Variants in SREK1 observed in about 807,000 individuals in gnomAD.
SREK1 encodes splicing regulatory glutamic acid and lysine rich protein 1.
In SREK1, 13 loss-of-function variants were observed where a neutral mutation model predicts 66.5. The ratio of observed to expected loss-of-function variants is 0.20; its 90% CI spans 0.13 to 0.31. SREK1 has a LOEUF of 0.31. SREK1 is among the 10% of genes least tolerant of loss of function. The pLI is 1.00. For synonymous variants in SREK1, 265 were observed against 263.5 expected (o/e 1.01, Z -0.05); for missense variants, 607 against 769.6 (o/e 0.79, Z 2.50).
chr5:66,160,142 T>C (rs1306191939), intron 3 of SREK1, among the ~76,000 whole-genome samples: 1 of 149,912 alleles, frequency 6.7e-6, no homozygotes, highest in Admixed American at 6.7e-5. Context: ...AAAAAAAGGG[T>C]ATATTACTAT....
rs537333798 is a variant in SREK1, at chr5:66,173,289, T to C, written c.1485-1657T>C. ...TTTATACTTTTAAAGAAAATGATAT[T>C]AAATAATTTTTTAATGCTTAAATTT... On this transcript the variant is annotated intron_variant, in intron 9 of 11. Transcript: ENST00000334121. Among the ~76,000 whole-genome samples the C allele has an allele frequency of 5.3e-5, 8 of 152,336 alleles. No homozygotes were observed. In the East Asian group the frequency reaches 1.2e-3, roughly 22 times the overall value.
At position 66,153,412 on chromosome 5, in the gene SREK1, A is replaced by G. The variant is rs188018644; in HGVS notation, c.162-51A>G. 5 of 1,577,852 alleles carry G rather than the reference A, an allele frequency of 3.2e-6. No homozygotes were observed. The East Asian group carries it at 1.1e-4, about 35-fold the overall frequency. Reference sequence around the variant, plus strand: ...GAAAGAAATTTTAAGTGAAAATGATAAAACCAAGCAAATGTTTATTAGTTC... The same window carrying G: ...GAAAGAAATTTTAAGTGAAAATGATGAAACCAAGCAAATGTTTATTAGTTC... On this transcript the variant is annotated intron_variant, in intron 1 of 11. Coordinates refer to ENST00000334121, the MANE Select transcript of SREK1 (RefSeq NM_001077199.3).
intron 10 of SREK1, among the ~76,000 whole-genome samples, chr5:66,176,886 T>C (rs1476971963): frequency 3.3e-5 from 5 of 152,112 alleles, no homozygotes; most frequent in Admixed American, 1.3e-4. Context: ...TTTTCTGTGA[T>C]TTTCCAGCAG....
intron 1 of SREK1, chr5:66,145,299 C>T (rs1238242898): frequency 5.1e-6 from 2 of 392,674 alleles, no homozygotes; most frequent in African/African-American, 2.2e-5. Context: ...AAATTTCCCT[C>T]GTACGATATT....
chr5:66,169,824 T>A (rs1424029260), intron 7 of SREK1: 3 of 292,284 alleles, frequency 1.0e-5, no homozygotes. Context: ...AAAAGCCACA[T>A]CTGAAAATAT....
intron 7 of SREK1, chr5:66,165,704 C>G (rs956250687): frequency 2.6e-5 from 4 of 152,038 alleles, no homozygotes; most frequent in African/African-American, 9.7e-5. Context: ...TATAGTGGAT[C>G]CTAATTGCAT....
At chr5:66,161,957 TA>T in intron 3 of SREK1, 151 bp from the exon 4 acceptor site, 1 of 736,378 alleles carries the variant, frequency 1.4e-6, no homozygotes, top group East Asian at 2.9e-5. Flanking sequence ...CTTACTTTAA[TA>T]ACTCAGACAT....
At chr5:66,156,198 G>A (rs1580633406) in intron 2 of SREK1, 3 of 1,279,922 alleles carry the variant, frequency 2.3e-6, no homozygotes, top group South Asian at 2.8e-5. Context: ...GAAGATGGAC[G>A]CCCTGTCTCT....
chr5:66,144,350 C>G lies in SREK1; in HGVS notation c.-27C>G. On this transcript the variant is annotated 5_prime_UTR_variant, in exon 1 of 12. Coordinates refer to ENST00000334121, the MANE Select transcript of SREK1 (RefSeq NM_001077199.3). ...CTGACGCGTCGTAGACGTTGGGGAG[C>G]GGGAAGGCAACGGCAGCGGGATCGG... 2 of 1,507,442 alleles carry G rather than the reference C, an allele frequency of 1.3e-6. No individual in the cohort carries two copies. Among genetic ancestry groups the G allele is most frequent in the Non-Finnish European group, 1.8e-6 (2 of 1,114,534 alleles). The allele number at this position is 1,507,442 out of a possible 1,614,324, so 93.4% of individuals were successfully genotyped here.
intron 7 of SREK1, chr5:66,169,322 A>C (rs902546262): frequency 3.3e-5 from 5 of 152,206 alleles, no homozygotes; most frequent in Admixed American, 2.6e-4. Flanking sequence ...AAAAGGCTTC[A>C]AAACTTTTTG....
rs569645864 is a variant in SREK1 at position 66,170,231 on chromosome 5, G to A, written c.1121+61G>A. The A allele has an allele frequency of 5.9e-6, 9 of 1,530,362 alleles. No homozygotes were observed. In the African/African-American group the frequency reaches 1.3e-4, roughly 21 times the overall value. The allele number at this position is 1,530,362 out of a possible 1,614,324, so 94.8% of individuals were successfully genotyped here. A position where few individuals can be genotyped will look rare whatever the true frequency, so the allele number is the denominator to read the frequency against. ...CCTCAGAGTTCTGTTAGTGCTAAGG[G>A]ATAATATTTTAATTGGCTTCATTTG... is the stretch of plus-strand genomic sequence containing the variant. On this transcript the variant is annotated intron_variant, in intron 8 of 11. Transcript: ENST00000334121.
At chr5:66,153,679 A>T (rs1744038078) in intron 2 of SREK1, 83 bp downstream of exon 2, 1 of 1,556,880 alleles carries the variant, frequency 6.4e-7, no homozygotes, top group Non-Finnish European at 8.8e-7. Context: ...ATTGGCAAGT[A>T]GACAGTACTC....
At chr5:66,145,362 CTT>C (rs1203024904) in intron 1 of SREK1, among the ~76,000 whole-genome samples, 1 of 151,794 alleles carries the variant, frequency 6.6e-6, no homozygotes, top group Admixed American at 6.6e-5. Flanking sequence ...TGCACACAAA[CTT>C]TTTTTCTTTT....
At chr5:66,176,654 C>A (rs1372702001) in intron 10 of SREK1, among the ~76,000 whole-genome samples, 1 of 151,978 alleles carries the variant, frequency 6.6e-6, no homozygotes, top group Non-Finnish European at 1.5e-5. Context: ...CTTATTAGGC[C>A]ATCATTAGTG....
At chr5:66,159,172 T>G (rs761866443) in intron 2 of SREK1, 47 bp from the exon 3 acceptor site, 2 of 1,576,250 alleles carry the variant, frequency 1.3e-6, no homozygotes, top group Admixed American at 2.0e-5. Context: ...GTGTAAAGTT[T>G]GTGTGGTGTT....
intron 3 of SREK1, among the ~76,000 whole-genome samples, chr5:66,161,668 A>G (rs1030071979): frequency 2.3e-4 from 35 of 152,230 alleles, no homozygotes; most frequent in Non-Finnish European, 2.6e-4. Context: ...AATCGACAAT[A>G]TATAACAGCT....
chr5:66,177,035 G>T (rs942656549), intron 10 of SREK1, among the ~76,000 whole-genome samples: 1 of 151,986 alleles, frequency 6.6e-6, no homozygotes, highest in African/African-American at 2.4e-5. Flanking sequence ...TTTCTCTTAT[G>T]AACTGAAATT....
At chr5:66,146,997 C>T (rs1743293157) in intron 1 of SREK1, among the ~76,000 whole-genome samples, 1 of 151,958 alleles carries the variant, frequency 6.6e-6, no homozygotes, top group African/African-American at 2.4e-5. Context: ...GGTGGGAGAA[C>T]AGCTTGAGCC....
Position 66,180,326 on chromosome 5 carries a change from G to A in SREK1, c.*1458G>A, listed in dbSNP as rs1416331597. 1.3e-5 allele frequency: 2 copies of A among 152,474 alleles called. No individual in the cohort carries two copies. Among genetic ancestry groups the A allele is most frequent in the Non-Finnish European group, 2.9e-5 (2 of 67,992 alleles). 9.4% of individuals were successfully genotyped at this position (152,474 alleles called of 1,614,324 possible). ...CCAAAAAAGTAATACCTTTTAATTAGTGTATTAAAAGTTAAGTATAATTAT... is the reference window on the plus strand; with the variant it reads ...CCAAAAAAGTAATACCTTTTAATTAATGTATTAAAAGTTAAGTATAATTAT... On this transcript the variant is annotated 3_prime_UTR_variant, in exon 12 of 12. Transcript: ENST00000334121.
Sources: allele counts gnomAD v4.1 joint callset (sites outside exome capture counted in the v4.1 genomes callset), GRCh38; gene constraint gnomAD v4.1.1; transcripts MANE v1.5; gene names NCBI Gene and HGNC (gene_info 2026-07-23, HGNC 2026-07-21).